PLD3: variants seen among roughly 807,000 people sequenced by gnomAD.
PLD3 encodes the protein 5'-3' exonuclease PLD3.
A neutral mutation model predicts 58.4 loss-of-function variants in PLD3; 31 were observed. The observed-to-expected ratio is 0.53, with a 90% CI of 0.40 to 0.72. The LOEUF is 0.72. Ranked by LOEUF, PLD3 falls within the 30% of genes least tolerant of loss-of-function variation. The pLI is 0.00. For synonymous variants in PLD3, 264 were observed against 273.4 expected, an observed-to-expected ratio of 0.97 and a Z score of 0.34; for missense variants, 595 against 659.8, an observed-to-expected ratio of 0.90 and a Z score of 1.08.
rs1228175874 is a variant in PLD3, at chr19:40,374,464, T to C, written c.880-17T>C. 4 of 1,613,644 alleles carry C rather than the reference T, an allele frequency of 2.5e-6. No individual in the cohort carries two copies. In the African/African-American group the frequency reaches 5.3e-5, roughly 22 times the overall value. On this transcript the variant is annotated splice_polypyrimidine_tract_variant and intron_variant, in intron 9 of 12. Coordinates refer to ENST00000409735, the MANE Select transcript of PLD3 (RefSeq NM_012268.4). ...ACCCTGGCAGGGCACATGTCTTAAC[T>C]GTCCCCTCGCCCTCAGAGTGCGCCC...
At chr19:40,357,281 G>A (rs929688814) in intron 1 of PLD3, 3 of 152,036 alleles carry the variant, frequency 2.0e-5, no homozygotes, top group African/African-American at 7.2e-5. Context: ...TTAGAGACAG[G>A]GGTCTCGCTC....
At chr19:40,372,219 G>T (rs1445265179) in intron 9 of PLD3, among the ~76,000 whole-genome samples, 1 of 152,090 alleles carries the variant, frequency 6.6e-6, no homozygotes, top group African/African-American at 2.4e-5. Flanking sequence ...AAGTGGGGTG[G>T]CTTATGCCTG....
intron 1 of PLD3, among the ~76,000 whole-genome samples, chr19:40,350,656 A>G (rs1469791476): frequency 6.6e-6 from 1 of 151,030 alleles, no homozygotes; most frequent in Non-Finnish European, 1.5e-5. Flanking sequence ...AGGTGAGAGG[A>G]TTGCTTGAAC....
chr19:40,352,055 T>A (rs917268615), intron 1 of PLD3, among the ~76,000 whole-genome samples: 8 of 152,100 alleles, frequency 5.3e-5, no homozygotes, highest in African/African-American at 1.9e-4. Context: ...GCGGATCACT[T>A]GAGGTCAGGA....
intron 1 of PLD3, among the ~76,000 whole-genome samples, chr19:40,361,506 G>A (rs2078783250): frequency 6.6e-6 from 1 of 152,092 alleles, no homozygotes; most frequent in South Asian, 2.1e-4. Context: ...CACAGTCCAG[G>A]CAGCCCTGCA....
intron 1 of PLD3, among the ~76,000 whole-genome samples, chr19:40,354,707 A>G (rs866315514): frequency 7.6e-5 from 11 of 144,632 alleles, no homozygotes; most frequent in Middle Eastern, 4.1e-3. Context: ...TGTATTTTTA[A>G]CAGAGACAGG....
intron 1 of PLD3, among the ~76,000 whole-genome samples, chr19:40,365,387 C>T (rs772637850): frequency 6.6e-6 from 1 of 152,292 alleles, no homozygotes; most frequent in Non-Finnish European, 1.5e-5. Flanking sequence ...TAGACTCCAA[C>T]AGAAAATTCA....
intron 1 of PLD3, among the ~76,000 whole-genome samples, chr19:40,365,179 G>A (rs765366151): frequency 1.3e-5 from 2 of 152,066 alleles, no homozygotes; most frequent in South Asian, 2.1e-4. Flanking sequence ...CCACCCTGCC[G>A]TGAAAAGAGG....
chr19:40,354,706 A>AGT lies in PLD3; in HGVS notation c.-279+5938_-279+5939insGT, dbSNP rs1373507469. On this transcript the variant is annotated intron_variant, in intron 1 of 12. Transcript: ENST00000409735. ...ACGCCCTGCTAATTTTTGTATTTTTAACAGAGACAGGGTTTCGCCATGTAG... is the reference window on the plus strand; with the variant it reads ...ACGCCCTGCTAATTTTTGTATTTTTAGTACAGAGACAGGGTTTCGCCATGTAG... Among the ~76,000 whole-genome samples, 8 of 151,414 alleles carry AGT rather than the reference A, an allele frequency of 5.3e-5. No individual in the cohort carries two copies. In the East Asian group the frequency reaches 5.9e-4, roughly 11 times the overall value.
chr19:40,360,030 A>C (rs557321648), intron 1 of PLD3: 1 of 152,186 alleles, frequency 6.6e-6, no homozygotes, highest in Admixed American at 6.5e-5. Flanking sequence ...GGAGTCAGTC[A>C]GATTTTAGAC....
intron 1 of PLD3, chr19:40,355,757 C>G (rs1164960167): frequency 1.3e-5 from 2 of 151,678 alleles, no homozygotes; most frequent in Admixed American, 1.3e-4. Context: ...TCCTATGCTC[C>G]ATGGTACTGG....
rs757510525 is a variant in PLD3 at position 40,369,971 on chromosome 19, G to A, written c.493G>A (p.Val165Met). ...APKGVNVRIAVSKPSGPQPQA... is the reference protein window; with the variant it reads ...APKGVNVRIAMSKPSGPQPQA... ...AAAGGGCGTGAACGTCCGCATCGCT[G>A]TGAGCAAGCCCAGCGGGCCCCAGCC... Residue 165 changes from valine to methionine, a missense_variant, in exon 7 of 13, where the codon GTG becomes ATG. Val to Met is a conservative substitution (Grantham distance 21). Transcript: ENST00000409735. 3 of 1,561,708 alleles carry A rather than the reference G, an allele frequency of 1.9e-6. No individual in the cohort carries two copies. The highest frequency in any genetic ancestry group is 1.7e-6 in the Non-Finnish European group (2 of 1,153,892).
chr19:40,375,922 A>T (rs1273716554), intron 10 of PLD3, among the ~76,000 whole-genome samples: 1 of 151,824 alleles, frequency 6.6e-6, no homozygotes, highest in Admixed American at 6.6e-5. Context: ...GTGCGGTGGC[A>T]CTCACCTGCA....
At chr19:40,351,690 G>T (rs1031987523) in intron 1 of PLD3, among the ~76,000 whole-genome samples, 1 of 152,154 alleles carries the variant, frequency 6.6e-6, no homozygotes, top group Non-Finnish European at 1.5e-5. Flanking sequence ...GAGAGGAGAG[G>T]GGCAAGAGAC....
At chr19:40,360,564 G>C (rs1283835097) in intron 1 of PLD3, 4 of 136,610 alleles carry the variant, frequency 2.9e-5, no homozygotes, top group African/African-American at 1.1e-4. Context: ...CTGGATAACA[G>C]AGCGAGACTC....
chr19:40,368,132 A>T (rs955744041), intron 6 of PLD3, among the ~76,000 whole-genome samples: 2 of 152,110 alleles, frequency 1.3e-5, no homozygotes, highest in African/African-American at 2.4e-5. Context: ...AGGCTGGCAG[A>T]TGTCACTCAC....
chr19:40,352,708 A>G (rs1338462144), intron 1 of PLD3, among the ~76,000 whole-genome samples: 2 of 152,208 alleles, frequency 1.3e-5, no homozygotes, highest in South Asian at 2.1e-4. Context: ...TATGCCTGTA[A>G]TCCCAGCACT....
intron 8 of PLD3, 81 bp from the exon 9 acceptor site, chr19:40,371,592 A>G (rs577482662): frequency 1.1e-6 from 1 of 905,142 alleles, no homozygotes; most frequent in Non-Finnish European, 1.7e-6. Flanking sequence ...AGGGGGAAAG[A>G]CAGAGACCAG....
chr19:40,371,422 A>G, intron 8 of PLD3: 2 of 506,276 alleles, frequency 4.0e-6, no homozygotes, highest in African/African-American at 1.9e-5. Flanking sequence ...AGACCTAAGA[A>G]TGAGTAGAAG....
Sources: allele counts gnomAD v4.1 joint callset (sites outside exome capture counted in the v4.1 genomes callset), GRCh38; gene constraint gnomAD v4.1.1; transcripts MANE v1.5; gene names NCBI Gene and HGNC (gene_info 2026-07-23, HGNC 2026-07-21).